AGAP1: variants seen among roughly 807,000 people sequenced by gnomAD.
AGAP1 encodes the protein arf-GAP with GTPase, ANK repeat and PH domain-containing protein 1.
Under a neutral mutation model 105.3 loss-of-function variants are expected in AGAP1, and 29 were observed. The ratio of observed to expected loss-of-function variants is 0.28; its 90% CI spans 0.21 to 0.38. AGAP1 has a LOEUF of 0.38. AGAP1 is among the 10% of genes least tolerant of loss of function. AGAP1 has a pLI of 1.00. For synonymous variants in AGAP1, 509 were observed against 485.9 expected (o/e 1.05, Z -0.63); for missense variants, 998 against 1,165.1 (o/e 0.86, Z 2.09).
intron 6 of AGAP1, among the ~76,000 whole-genome samples, chr2:235,775,393 C>T (rs1559471151): frequency 6.6e-6 from 1 of 152,218 alleles, no homozygotes; most frequent in South Asian, 2.1e-4. Flanking sequence ...GCATAAAAAG[C>T]TGTCCTCTTA....
At position 235,664,513 on chromosome 2, in the gene AGAP1, T is replaced by G. The variant is rs781500299; in HGVS notation, c.164-44666T>G. Among the ~76,000 whole-genome samples, 1 of 152,176 alleles carries G rather than the reference T, an allele frequency of 6.6e-6. No homozygotes were observed. The highest frequency in any genetic ancestry group is 1.5e-5 in the Non-Finnish European group (1 of 68,042). ...GATTACAAGCATGAGCCACCACACT[T>G]GGCCTGATTTAATATCTTAAGTCAC... On this transcript the variant is annotated intron_variant, in intron 1 of 17. Coordinates refer to ENST00000304032, the MANE Select transcript of AGAP1 (RefSeq NM_001037131.3). The surrounding 1 kb of genome is among the most constrained non-coding windows in gnomAD (Gnocchi z 5.7).
chr2:235,860,392 A>G (rs1475122186), intron 9 of AGAP1, among the ~76,000 whole-genome samples: 1 of 151,826 alleles, frequency 6.6e-6, no homozygotes, highest in Non-Finnish European at 1.5e-5. Context: ...TGGCTTATGG[A>G]TTGAATATGA....
intron 1 of AGAP1, chr2:235,670,490 C>T (rs1328246682): frequency 1.2e-5 from 6 of 507,572 alleles, no homozygotes; most frequent in Non-Finnish European, 2.1e-5. Flanking sequence ...GGAGGAGGGA[C>T]GCGGCTCGCC....
intron 13 of AGAP1, among the ~76,000 whole-genome samples, chr2:235,986,008 T>C (rs192316320): frequency 6.6e-6 from 1 of 152,296 alleles, no homozygotes; most frequent in East Asian, 1.9e-4. Context: ...CTGTGATGAC[T>C]GTCAATGGTA....
At chr2:235,583,928 A>T (rs1277515833) in intron 1 of AGAP1, among the ~76,000 whole-genome samples, 1 of 150,102 alleles carries the variant, frequency 6.7e-6, no homozygotes, top group Non-Finnish European at 1.5e-5. Context: ...TGGTCTTTGA[A>T]CTCCTGGACT....
In AGAP1 at chr2:235,887,320, C is replaced by T. The variant is rs1186396157; in HGVS notation, c.1155+3871C>T. 6.6e-6 allele frequency among the ~76,000 whole-genome samples: 1 copy of T among 152,162 alleles called. No individual in the cohort carries two copies. The highest frequency in any genetic ancestry group is 1.5e-5 in the Non-Finnish European group (1 of 68,024). Reference sequence around the variant, plus strand: ...AGAGTCATTATTGTTGCTCCTAACTCTATTACTGACCACAGCGTGAAGTGG... The same window carrying T: ...AGAGTCATTATTGTTGCTCCTAACTTTATTACTGACCACAGCGTGAAGTGG... On this transcript the variant is annotated intron_variant, in intron 10 of 17. Coordinates refer to ENST00000304032, the MANE Select transcript of AGAP1 (RefSeq NM_001037131.3). This position sits in a 1 kb window ranked among gnomAD's most constrained non-coding sequence, Gnocchi z 4.1.
intron 1 of AGAP1, among the ~76,000 whole-genome samples, chr2:235,699,744 G>A (rs1006494384): frequency 6.6e-6 from 1 of 152,180 alleles, no homozygotes; most frequent in Non-Finnish European, 1.5e-5. Flanking sequence ...TCAGCAGTCC[G>A]GGCTCCAGGA....
chr2:235,606,151 A>G (rs922044475), intron 1 of AGAP1, among the ~76,000 whole-genome samples: 5 of 152,248 alleles, frequency 3.3e-5, no homozygotes, highest in Non-Finnish European at 7.3e-5. Flanking sequence ...ACCGGTGAGA[A>G]GTAAGGCATC....
At position 235,866,363 on chromosome 2, in the gene AGAP1, G is replaced by A. The variant is rs1559582518; in HGVS notation, c.1051-16982G>A. Among the ~76,000 whole-genome samples, 2 of 152,302 alleles carry A rather than the reference G, an allele frequency of 1.3e-5. No individual in the cohort carries two copies. Among genetic ancestry groups the A allele is most frequent in the South Asian group, 2.1e-4 (1 of 4,820 alleles). ...GACAATCCGTGTGTGTGATCGGGGTGTTCTGGACTTGAGGTACCTGGTAGA... is the reference window on the plus strand; with the variant it reads ...GACAATCCGTGTGTGTGATCGGGGTATTCTGGACTTGAGGTACCTGGTAGA... On this transcript the variant is annotated intron_variant, in intron 9 of 17. Coordinates refer to ENST00000304032, the MANE Select transcript of AGAP1 (RefSeq NM_001037131.3). The surrounding 1 kb of genome is among the most constrained non-coding windows in gnomAD (Gnocchi z 6.1).
In AGAP1 at chr2:235,513,842, T is replaced by C. The variant is rs937924185; in HGVS notation, c.163+18993T>C. On this transcript the variant is annotated intron_variant, in intron 1 of 17. Coordinates refer to ENST00000304032, the MANE Select transcript of AGAP1 (RefSeq NM_001037131.3). Reference sequence around the variant, plus strand: ...AAGCATTGAAACTGGTTTGCCGTTATGATGTCCATGAGGTTGGAGTCCTTT... The same window carrying C: ...AAGCATTGAAACTGGTTTGCCGTTACGATGTCCATGAGGTTGGAGTCCTTT... Among the ~76,000 whole-genome samples, 5 of 152,358 alleles carry C rather than the reference T, an allele frequency of 3.3e-5. No individual in the cohort carries two copies. In the South Asian group the frequency reaches 6.2e-4, roughly 19 times the overall value.
rs2057574588 is a variant in AGAP1 at position 236,042,318 on chromosome 2, A to G, written c.1891+1477A>G. Among the ~76,000 whole-genome samples, 1 of 152,252 alleles carries G rather than the reference A, an allele frequency of 6.6e-6. No individual in the cohort carries two copies. The highest frequency in any genetic ancestry group is 1.5e-5 in the Non-Finnish European group (1 of 68,018). On this transcript the variant is annotated intron_variant, in intron 15 of 17. Coordinates refer to ENST00000304032, the MANE Select transcript of AGAP1 (RefSeq NM_001037131.3). The surrounding 1 kb of genome is among the most constrained non-coding windows in gnomAD (Gnocchi z 5.6). ...CAGCATAGCAGGCAGGGGAGAGATC[A>G]AAAGTCTGTCTGCGGCCTCTCTGGA...
rs997803063 is a variant in AGAP1 at position 235,970,621 on chromosome 2, G to C, written c.1645+1998G>C. 2.0e-5 allele frequency among the ~76,000 whole-genome samples: 3 copies of C among 152,194 alleles called. No homozygotes were observed. The highest frequency in any genetic ancestry group is 7.2e-5 in the African/African-American group (3 of 41,452). On this transcript the variant is annotated intron_variant, in intron 13 of 17. Coordinates refer to ENST00000304032, the MANE Select transcript of AGAP1 (RefSeq NM_001037131.3). This position sits in a 1 kb window ranked among gnomAD's most constrained non-coding sequence, Gnocchi z 5.4. Reference sequence around the variant, plus strand: ...ACCGAGGTCTGTGGTTTTTTCTTATGCACAACCTGGTGGGAACTGACCGTT... The same window carrying C: ...ACCGAGGTCTGTGGTTTTTTCTTATCCACAACCTGGTGGGAACTGACCGTT...
Position 235,579,808 on chromosome 2 carries a change from G to T in AGAP1, c.163+84959G>T, listed in dbSNP as rs72986868. Among the ~76,000 whole-genome samples, 524 of 150,950 alleles carry T rather than the reference G, an allele frequency of 3.5e-3. 3 individuals carry two copies. The highest frequency in any genetic ancestry group is 4.6e-3 in the Non-Finnish European group (310 of 67,866). The stretch of plus-strand genomic sequence containing the variant: ...AAAAAAAAGTGAACACTTACTTAGC[G>T]TATGCACCACATGGTGTAACCACCC... On this transcript the variant is annotated intron_variant, in intron 1 of 17. Transcript: ENST00000304032.
chr2:235,982,014 A>G lies in AGAP1; in HGVS notation c.1645+13391A>G, dbSNP rs1325248985. Among the ~76,000 whole-genome samples, 1 of 152,240 alleles carries G rather than the reference A, an allele frequency of 6.6e-6. No homozygotes were observed. Among genetic ancestry groups the G allele is most frequent in the Non-Finnish European group, 1.5e-5 (1 of 68,048 alleles). On this transcript the variant is annotated intron_variant, in intron 13 of 17. Coordinates refer to ENST00000304032, the MANE Select transcript of AGAP1 (RefSeq NM_001037131.3). This position sits in a 1 kb window ranked among gnomAD's most constrained non-coding sequence, Gnocchi z 4.9. ...AGTGTTTCTTAATTTTAATAAGTTAATATTCCAACCATAAAAACTTCTGAC... is the reference window on the plus strand; with the variant it reads ...AGTGTTTCTTAATTTTAATAAGTTAGTATTCCAACCATAAAAACTTCTGAC...
In AGAP1 at chr2:236,003,727, C is replaced by G. The variant is rs1016675708; in HGVS notation, c.1646-32834C>G. 1.3e-5 allele frequency among the ~76,000 whole-genome samples: 2 copies of G among 152,154 alleles called. No homozygotes were observed. Among genetic ancestry groups the G allele is most frequent in the Non-Finnish European group, 2.9e-5 (2 of 68,026 alleles). On this transcript the variant is annotated intron_variant, in intron 13 of 17. Coordinates refer to ENST00000304032, the MANE Select transcript of AGAP1 (RefSeq NM_001037131.3). This position sits in a 1 kb window ranked among gnomAD's most constrained non-coding sequence, Gnocchi z 4.2. ...TGATCAAATTCAGTCATTAACCCCA[C>G]TGAAACCTGACAAGGCCTGTGTGCA...
intron 1 of AGAP1, among the ~76,000 whole-genome samples, chr2:235,674,158 C>T (rs1948596149): frequency 6.6e-6 from 1 of 152,146 alleles, no homozygotes; most frequent in Non-Finnish European, 1.5e-5. Context: ...CTAGTTCTTC[C>T]CTCTAATGCA....
intron 1 of AGAP1, among the ~76,000 whole-genome samples, chr2:235,533,962 G>C (rs547168769): frequency 1.3e-5 from 2 of 152,362 alleles, no homozygotes; most frequent in African/African-American, 2.4e-5. Context: ...TTCATCCAAA[G>C]AACTTCTCCA....
intron 10 of AGAP1, among the ~76,000 whole-genome samples, chr2:235,899,038 A>G (rs1235265428): frequency 6.6e-6 from 1 of 152,232 alleles, no homozygotes; most frequent in Non-Finnish European, 1.5e-5. Flanking sequence ...AAAAATACGT[A>G]TAGAAGACTT....
Position 236,080,809 on chromosome 2 carries a change from A to C in AGAP1, c.2114+31528A>C, listed in dbSNP as rs1346583418. ...CTGCTACTCATCTTGGTGGCCTTGCATCCCCTCTGACCTGTTTCTGTCCTC... is the reference window on the plus strand; with the variant it reads ...CTGCTACTCATCTTGGTGGCCTTGCCTCCCCTCTGACCTGTTTCTGTCCTC... On this transcript the variant is annotated intron_variant, in intron 16 of 17. Transcript: ENST00000304032. This position sits in a 1 kb window ranked among gnomAD's most constrained non-coding sequence, Gnocchi z 4.2. Among the ~76,000 whole-genome samples the C allele has an allele frequency of 6.6e-6, 1 of 152,084 alleles. No homozygotes were observed. Among genetic ancestry groups the C allele is most frequent in the African/African-American group, 2.4e-5 (1 of 41,420 alleles).
Sources: allele counts gnomAD v4.1 joint callset (sites outside exome capture counted in the v4.1 genomes callset), GRCh38; gene constraint gnomAD v4.1.1; non-coding constraint Gnocchi (gnomAD v3.1); transcripts MANE v1.5; gene names NCBI Gene and HGNC (gene_info 2026-07-23, HGNC 2026-07-21).